Variants in FRMD4B observed in about 807,000 individuals in gnomAD.
FRMD4B encodes the protein FERM domain containing 4B, also known as FERM domain-containing protein 4B.
Under a neutral mutation model 141.5 loss-of-function variants are expected in FRMD4B, and 74 were observed. The ratio of observed to expected loss-of-function variants is 0.52; its 90% confidence interval spans 0.43 to 0.63. The LOEUF (loss-of-function observed/expected upper bound fraction) is 0.63, where lower values mean the gene tolerates loss of function less well. Ranked by LOEUF, FRMD4B falls within the 30% of genes least tolerant of loss-of-function variation. FRMD4B has a pLI of 0.00. For synonymous variants in FRMD4B, 506 were observed against 467.9 expected (o/e 1.08, Z -1.05); for missense variants, 1,366 against 1,253.4 (o/e 1.09, Z -1.36).
chr3:69,499,634 A>G (rs773761187), intron 1 of FRMD4B, among the ~76,000 whole-genome samples: 3 of 152,176 alleles, frequency 2.0e-5, no homozygotes, highest in Non-Finnish European at 4.4e-5. Flanking sequence ...TGTTCTGGTG[A>G]GGAATTCTCT....
chr3:69,194,836 T>C (rs886469489), intron 16 of FRMD4B, among the ~76,000 whole-genome samples, 186 bp downstream of exon 16: 3 of 152,204 alleles, frequency 2.0e-5, no homozygotes, highest in African/African-American at 7.2e-5. Context: ...AGTAAATTAG[T>C]GAGAAGTAAC....
chr3:69,498,179 C>T (rs1472654175), intron 1 of FRMD4B, among the ~76,000 whole-genome samples: 1 of 152,304 alleles, frequency 6.6e-6, no homozygotes, highest in South Asian at 2.1e-4. Flanking sequence ...CAGAGTTGGA[C>T]CTCAAGTGAG....
rs982989717 is a variant in FRMD4B at position 69,309,567 on chromosome 3, C to T, written c.323+1696G>A. On this transcript the variant is annotated intron_variant, in intron 3 of 22. Transcript: ENST00000398540. ...AAGTTGTCCTCCCACCTCAGCCTCC[C>T]GAGTAGCTGGGACTACAGATGTGTC... 4.0e-5 allele frequency among the ~76,000 whole-genome samples: 6 copies of T among 151,146 alleles called. No homozygotes were observed. The East Asian group carries it at 5.8e-4, about 15-fold the overall frequency.
At chr3:69,410,269 C>T (rs944503893) in intron 2 of FRMD4B, among the ~76,000 whole-genome samples, 1 of 152,200 alleles carries the variant, frequency 6.6e-6, no homozygotes, top group Non-Finnish European at 1.5e-5. Flanking sequence ...CCGATATCAG[C>T]TCTGAAATTC....
chr3:69,474,869 T>A (rs891228979), intron 1 of FRMD4B, among the ~76,000 whole-genome samples: 5 of 152,062 alleles, frequency 3.3e-5, no homozygotes, highest in African/African-American at 1.2e-4. Context: ...TAAAATGCTA[T>A]CAAAGGGGAA....
intron 1 of FRMD4B, among the ~76,000 whole-genome samples, chr3:69,338,421 C>T (rs1207955918): frequency 2.6e-5 from 4 of 151,962 alleles, no homozygotes; most frequent in Non-Finnish European, 5.9e-5. Context: ...CAAACCTGCA[C>T]GTTGTGCACA....
intron 1 of FRMD4B, among the ~76,000 whole-genome samples, chr3:69,350,268 A>T (rs1703093225): frequency 6.6e-6 from 1 of 152,214 alleles, no homozygotes; most frequent in Non-Finnish European, 1.5e-5. Flanking sequence ...TCAAAATCAC[A>T]ATGAGATACC....
intron 1 of FRMD4B, among the ~76,000 whole-genome samples, chr3:69,451,474 G>A (rs1049210621): frequency 2.0e-5 from 3 of 152,174 alleles, no homozygotes; most frequent in Non-Finnish European, 4.4e-5. Context: ...CAGCACGGTG[G>A]TACACAGGCC....
intron 9 of FRMD4B, among the ~76,000 whole-genome samples, chr3:69,219,023 G>T (rs912579255): frequency 1.3e-5 from 2 of 152,034 alleles, no homozygotes; most frequent in African/African-American, 4.8e-5. Flanking sequence ...AAATTAGCTG[G>T]GTGTGGTGGC....
intron 7 of FRMD4B, among the ~76,000 whole-genome samples, chr3:69,228,144 T>A (rs1208718313): frequency 6.6e-6 from 1 of 152,180 alleles, no homozygotes; most frequent in Non-Finnish European, 1.5e-5. Context: ...ACTGGGTAGT[T>A]CCTATAATGC....
At chr3:69,342,159 C>T (rs1442675415) in intron 1 of FRMD4B, among the ~76,000 whole-genome samples, 1 of 152,178 alleles carries the variant, frequency 6.6e-6, no homozygotes, top group Non-Finnish European at 1.5e-5. Context: ...TTTATAACTT[C>T]CTGGATCTAG....
chr3:69,268,792 T>A (rs933486940), intron 5 of FRMD4B, among the ~76,000 whole-genome samples: 1 of 151,950 alleles, frequency 6.6e-6, no homozygotes, highest in African/African-American at 2.4e-5. Context: ...ATTTTCAGGA[T>A]AACATCTTCC....
At chr3:69,190,218 G>A (rs1036165607) in intron 17 of FRMD4B, among the ~76,000 whole-genome samples, 3 of 151,928 alleles carry the variant, frequency 2.0e-5, no homozygotes, top group Admixed American at 6.6e-5. Flanking sequence ...ACTAGTTTTC[G>A]GTGTTTCTTC....
intron 1 of FRMD4B, among the ~76,000 whole-genome samples, chr3:69,455,388 G>A (rs550212825): frequency 2.6e-5 from 4 of 152,284 alleles, no homozygotes; most frequent in African/African-American, 4.8e-5. Context: ...TAACACTCAC[G>A]GCAAAGGTCT....
chr3:69,430,313 G>A (rs549913243), intron 2 of FRMD4B, among the ~76,000 whole-genome samples: 1 of 152,204 alleles, frequency 6.6e-6, no homozygotes, highest in South Asian at 2.1e-4. Flanking sequence ...TGCCACAAGA[G>A]GCCCTTTCAG....
At chr3:69,188,528 C>T (rs912409687) in intron 18 of FRMD4B, among the ~76,000 whole-genome samples, 31 of 151,798 alleles carry the variant, frequency 2.0e-4, no homozygotes, top group African/African-American at 7.3e-4. Flanking sequence ...GAGGCCGAGG[C>T]GGGTGGATCA....
At chr3:69,232,278 C>T (rs999875315) in intron 7 of FRMD4B, among the ~76,000 whole-genome samples, 4 of 152,208 alleles carry the variant, frequency 2.6e-5, no homozygotes, top group South Asian at 2.1e-4. Flanking sequence ...CATAAATCTA[C>T]ATCACTTGCT....
intron 1 of FRMD4B, chr3:69,377,210 G>T (rs1289478693): frequency 1.3e-5 from 2 of 152,112 alleles, no homozygotes; most frequent in Non-Finnish European, 2.9e-5. Context: ...ACCAGAAAAA[G>T]TAGAAGATTA....
chr3:69,456,172 C>T (rs1387405238), intron 1 of FRMD4B, among the ~76,000 whole-genome samples: 7 of 151,630 alleles, frequency 4.6e-5, no homozygotes, highest in Non-Finnish European at 8.8e-5. Flanking sequence ...CTACCTCTTC[C>T]TTTCTGCTTC....
Sources: gnomAD v4.1 joint callset for allele counts (sites outside exome capture counted in the v4.1 genomes callset) on GRCh38, gnomAD v4.1.1 for gene constraint, MANE v1.5 for transcripts, NCBI Gene and HGNC (gene_info 2026-07-23, HGNC 2026-07-21) for gene names.